The following CSMD3 variants were observed in gnomAD, a reference collection of about 807,000 sequenced individuals.
The protein encoded by CSMD3 is CUB and sushi domain-containing protein 3.
CSMD3 carries 177 observed loss-of-function variants against 435.2 expected under a neutral mutation model. The ratio of observed to expected loss-of-function variants is 0.41; its 90% CI spans 0.36 to 0.46. The LOEUF (loss-of-function observed/expected upper bound fraction) is 0.46, where lower values mean the gene tolerates loss of function less well. Among genes scored for constraint, CSMD3 ranks in the 20% least tolerant of loss-of-function variants. The pLI is 0.34. For synonymous variants in CSMD3, 1,656 were observed against 1,520.5 expected (o/e 1.09, Z -2.07); for missense variants, 4,265 against 4,504.6 (o/e 0.95, Z 1.52).
chr8:112,287,373 T>C (rs1586659246), intron 57 of CSMD3, 127 bp from the exon 58 acceptor site: 1 of 804,084 alleles, frequency 1.2e-6, no homozygotes, highest in African/African-American at 1.7e-5. Flanking sequence ...GGAGTAAAAT[T>C]GTAATTCATA....
In CSMD3 at chr8:112,676,993, T is replaced by G. The variant is rs1197460657; in HGVS notation, c.2677+5449A>C. On this transcript the variant is annotated intron_variant, in intron 16 of 70. Coordinates refer to ENST00000297405, the MANE Select transcript of CSMD3 (RefSeq NM_198123.2). ...CTTGCTGTCTCTCTTCTCGTTGTTT[T>G]CAAAATCAGTACATAATTTATTATA... Among the ~76,000 whole-genome samples, 4 of 152,262 alleles carry G rather than the reference T, an allele frequency of 2.6e-5. No homozygotes were observed. The East Asian group carries it at 7.7e-4, about 29-fold the overall frequency.
At chr8:113,363,373 T>C (rs1467570562) in intron 1 of CSMD3, among the ~76,000 whole-genome samples, 2 of 152,228 alleles carry the variant, frequency 1.3e-5, no homozygotes, top group East Asian at 3.8e-4. Flanking sequence ...ATTCTTTTAA[T>C]GGTATCTTTC....
intron 22 of CSMD3, among the ~76,000 whole-genome samples, chr8:112,590,902 G>A (rs1831130885): frequency 1.3e-5 from 2 of 152,084 alleles, no homozygotes; most frequent in South Asian, 4.2e-4. Context: ...GCTACTAACT[G>A]ATAAAGCCTA....
At chr8:113,201,045 A>G (rs146763975) in intron 3 of CSMD3, among the ~76,000 whole-genome samples, 19 of 152,076 alleles carry the variant, frequency 1.2e-4, no homozygotes, top group African/African-American at 3.9e-4. Context: ...CATCTCTCTC[A>G]GAACCCTTTG....
At chr8:112,523,718 C>T (rs923883661) in intron 27 of CSMD3, among the ~76,000 whole-genome samples, 9 of 152,004 alleles carry the variant, frequency 5.9e-5, no homozygotes, top group Admixed American at 2.0e-4. Context: ...GAGAATTTTG[C>T]CCTTGATTGA....
chr8:113,169,142 A>G (rs2092220222), intron 4 of CSMD3, among the ~76,000 whole-genome samples: 1 of 152,172 alleles, frequency 6.6e-6, no homozygotes, highest in African/African-American at 2.4e-5. Flanking sequence ...TGGCAGGAGA[A>G]TAATATAATA....
At chr8:112,799,793 T>C (rs969715376) in intron 13 of CSMD3, among the ~76,000 whole-genome samples, 1 of 151,950 alleles carries the variant, frequency 6.6e-6, no homozygotes, top group South Asian at 2.1e-4. Context: ...ATTTCAGACC[T>C]TTACTGTTAT....
chr8:113,163,470 G>A (rs926560834), intron 4 of CSMD3, among the ~76,000 whole-genome samples: 1 of 151,642 alleles, frequency 6.6e-6, no homozygotes, highest in Non-Finnish European at 1.5e-5. Flanking sequence ...AGAAATTAGT[G>A]CTAAGTATAA....
At chr8:113,160,820 T>C (rs1324035191) in intron 4 of CSMD3, among the ~76,000 whole-genome samples, 3 of 152,054 alleles carry the variant, frequency 2.0e-5, no homozygotes, top group Non-Finnish European at 4.4e-5. Context: ...CCTAATAACA[T>C]TCTTTGGTCT....
intron 50 of CSMD3, among the ~76,000 whole-genome samples, chr8:112,308,776 T>A (rs1468495794): frequency 6.6e-6 from 1 of 152,058 alleles, no homozygotes; most frequent in Non-Finnish European, 1.5e-5. Flanking sequence ...GCTGACTAAT[T>A]TTCTATGTTT....
intron 4 of CSMD3, among the ~76,000 whole-genome samples, chr8:113,168,097 G>A (rs1325813826): frequency 6.6e-6 from 1 of 152,000 alleles, no homozygotes; most frequent in African/African-American, 2.4e-5. Flanking sequence ...CTTCTTTGGC[G>A]TAAAAGAGGT....
intron 6 of CSMD3, among the ~76,000 whole-genome samples, chr8:113,014,564 G>C (rs2086380715): frequency 6.6e-6 from 1 of 152,028 alleles, no homozygotes; most frequent in Admixed American, 6.6e-5. Context: ...CAACCATCCT[G>C]TAAATGAATA....
chr8:113,359,863 G>C lies in CSMD3; in HGVS notation c.179-45070C>G, dbSNP rs540154395. 4.6e-5 allele frequency among the ~76,000 whole-genome samples: 7 copies of C among 152,226 alleles called. No individual in the cohort carries two copies. The East Asian group carries it at 7.7e-4, about 17-fold the overall frequency. The stretch of plus-strand genomic sequence containing the variant: ...GGGATACAACCTACTTATAAATATA[G>C]AAAGTATTCAGACTTAAAATTTTGA... On this transcript the variant is annotated intron_variant, in intron 1 of 70. Transcript: ENST00000297405.
At chr8:113,071,975 CTTT>C (rs2089141385) in intron 5 of CSMD3, among the ~76,000 whole-genome samples, 1 of 151,692 alleles carries the variant, frequency 6.6e-6, no homozygotes, top group African/African-American at 2.4e-5. Context: ...TCTGTGTCTT[CTTT>C]AATGTCCTTC....
At chr8:112,546,845 A>G (rs1827227520) in intron 27 of CSMD3, among the ~76,000 whole-genome samples, 2 of 152,158 alleles carry the variant, frequency 1.3e-5, no homozygotes, top group Admixed American at 1.3e-4. Context: ...GGATGAATGG[A>G]TCATGAAATA....
At chr8:113,163,477 A>C (rs2131843179) in intron 4 of CSMD3, among the ~76,000 whole-genome samples, 1 of 151,568 alleles carries the variant, frequency 6.6e-6, no homozygotes, top group Non-Finnish European at 1.5e-5. Flanking sequence ...AGTGCTAAGT[A>C]TAAATTTTTT....
chr8:112,789,626 CA>C lies in CSMD3; in HGVS notation c.1972+10535del, dbSNP rs1025927805. Reference sequence around the variant, plus strand: ...TTATGTTAGTATATGACAGATAATTCAGTTCCTAAGAAACTAGAAATTTCAG... The same window carrying C: ...TTATGTTAGTATATGACAGATAATTCGTTCCTAAGAAACTAGAAATTTCAG... On this transcript the variant is annotated intron_variant, in intron 13 of 70. Coordinates refer to ENST00000297405, the MANE Select transcript of CSMD3 (RefSeq NM_198123.2). Among the ~76,000 whole-genome samples, 28 of 151,762 alleles carry C rather than the reference CA, an allele frequency of 1.8e-4. No individual in the cohort carries two copies. The East Asian group carries it at 4.7e-3, about 25-fold the overall frequency.
rs774148291 is a variant in CSMD3, at chr8:112,304,860, A to C, written c.8127T>G (p.Ile2709Met). ...TGTATTCATAATGGGAGCCATTCAC[A>C]ATTCGCCATCTTCCATGTTCCAAGA... ...SFILEHGRWR[I>M]VNGSHYEYKT... The change falls in exon 52 of 71, where the codon ATT becomes ATG. Residue 2709 changes from isoleucine (I) to methionine (M), a missense_variant. By Grantham distance (10) the Ile-to-Met change is conservative. Coordinates refer to ENST00000297405, the MANE Select transcript of CSMD3 (RefSeq NM_198123.2). 8.7e-6 allele frequency: 14 copies of C among 1,613,866 alleles called. No individual in the cohort carries two copies. The highest frequency in any genetic ancestry group is 1.2e-5 in the Non-Finnish European group (14 of 1,179,874).
chr8:113,407,865 C>T (rs1460842831), intron 1 of CSMD3, among the ~76,000 whole-genome samples: 2 of 152,070 alleles, frequency 1.3e-5, no homozygotes, highest in Admixed American at 1.3e-4. Context: ...TCAGTAATTT[C>T]TAAATTGCTG....
Sources: allele counts gnomAD v4.1 joint callset (sites outside exome capture counted in the v4.1 genomes callset), GRCh38; gene constraint gnomAD v4.1.1; transcripts MANE v1.5; gene names NCBI Gene and HGNC (gene_info 2026-07-23, HGNC 2026-07-21).